The following LHFPL3 variants were observed in gnomAD, a reference collection of about 807,000 sequenced individuals.
The protein encoded by LHFPL3 is LHFPL tetraspan subfamily member 3.
LHFPL3 carries 5 observed loss-of-function variants against 19.3 expected under a neutral mutation model. That is an observed-to-expected ratio of 0.26 (90% CI 0.14 to 0.54). LHFPL3 has a LOEUF of 0.54. Ranked by LOEUF, LHFPL3 falls within the 20% of genes least tolerant of loss-of-function variation. LHFPL3 has a pLI of 0.94. For synonymous variants in LHFPL3, 133 were observed against 126.2 expected (o/e 1.05, Z -0.36); for missense variants, 249 against 307.4 (o/e 0.81, Z 1.42).
chr7:104,732,354 T>C (rs1012980212), intron 1 of LHFPL3, among the ~76,000 whole-genome samples: 3 of 152,230 alleles, frequency 2.0e-5, no homozygotes, highest in Non-Finnish European at 4.4e-5. Context: ...CATCTGATCC[T>C]GGACTTTTTT....
intron 1 of LHFPL3, among the ~76,000 whole-genome samples, chr7:104,468,014 G>C (rs1792826743): frequency 6.6e-6 from 1 of 152,176 alleles, no homozygotes; most frequent in Non-Finnish European, 1.5e-5. Flanking sequence ...TCTGTTCAGT[G>C]TACCCTAGAT....
At chr7:104,868,983 C>T (rs1336097153) in intron 2 of LHFPL3, among the ~76,000 whole-genome samples, 1 of 152,122 alleles carries the variant, frequency 6.6e-6, no homozygotes, top group African/African-American at 2.4e-5. Context: ...GGAAACAATT[C>T]CCTATTTAAT....
chr7:104,556,807 C>T (rs1309811831), intron 1 of LHFPL3, among the ~76,000 whole-genome samples: 4 of 152,146 alleles, frequency 2.6e-5, no homozygotes, highest in Admixed American at 6.5e-5. Flanking sequence ...CTTTTAAAAC[C>T]GAATGCCTTT....
chr7:104,659,800 T>C (rs1187222102), intron 1 of LHFPL3, among the ~76,000 whole-genome samples: 1 of 152,186 alleles, frequency 6.6e-6, no homozygotes, highest in Admixed American at 6.5e-5. Flanking sequence ...TAGAAGGTTG[T>C]CTTGCTTTAA....
At chr7:104,433,454 A>G (rs915549538) in intron 1 of LHFPL3, among the ~76,000 whole-genome samples, 7 of 152,116 alleles carry the variant, frequency 4.6e-5, no homozygotes, top group African/African-American at 1.7e-4. Flanking sequence ...AGCTAAAATC[A>G]CTGTAATGCC....
Position 104,778,031 on chromosome 7 carries a change from A to G in LHFPL3, c.682+41120A>G, listed in dbSNP as rs562797306. ...AGTGCTCACCTAAGCTCCTTCCATG[A>G]CAATCTGGGCTCAGCATCCTGGAAC... On this transcript the variant is annotated intron_variant, in intron 2 of 2. Transcript: ENST00000424859. 3.3e-5 allele frequency among the ~76,000 whole-genome samples: 5 copies of G among 152,318 alleles called. 1 individual carries two copies. The highest frequency in any genetic ancestry group is 1.2e-4 in the African/African-American group (5 of 41,576).
At chr7:104,671,181 G>A (rs1792473340) in intron 1 of LHFPL3, among the ~76,000 whole-genome samples, 1 of 151,824 alleles carries the variant, frequency 6.6e-6, no homozygotes, top group Non-Finnish European at 1.5e-5. Flanking sequence ...TTAAATAATT[G>A]GTGTGGATTG....
At chr7:104,373,934 A>G (rs1265872981) in intron 1 of LHFPL3, among the ~76,000 whole-genome samples, 1 of 152,138 alleles carries the variant, frequency 6.6e-6, no homozygotes, top group African/African-American at 2.4e-5. Flanking sequence ...ACAAAAAAAC[A>G]TGTTTTGGGG....
chr7:104,452,987 A>T (rs1467054723), intron 1 of LHFPL3, among the ~76,000 whole-genome samples: 2 of 152,192 alleles, frequency 1.3e-5, no homozygotes, highest in African/African-American at 4.8e-5. Flanking sequence ...TGTAAAAGTC[A>T]CACAAATCAA....
At chr7:104,635,462 T>A (rs1049397209) in intron 1 of LHFPL3, among the ~76,000 whole-genome samples, 6 of 152,038 alleles carry the variant, frequency 3.9e-5, no homozygotes, top group South Asian at 2.1e-4. Context: ...AAAGAAAAAA[T>A]TTTTTTAAAA....
intron 1 of LHFPL3, among the ~76,000 whole-genome samples, chr7:104,684,562 A>G (rs1049267801): frequency 6.6e-6 from 1 of 152,240 alleles, no homozygotes; most frequent in Non-Finnish European, 1.5e-5. Context: ...ATTTCTTGTC[A>G]ACCATTTATA....
At chr7:104,664,130 G>A (rs950777418) in intron 1 of LHFPL3, among the ~76,000 whole-genome samples, 2 of 152,094 alleles carry the variant, frequency 1.3e-5, no homozygotes, top group African/African-American at 4.8e-5. Context: ...ACTAGAGCTA[G>A]AAATAATTTC....
At chr7:104,411,664 T>G (rs774819668) in intron 1 of LHFPL3, among the ~76,000 whole-genome samples, 2 of 152,170 alleles carry the variant, frequency 1.3e-5, no homozygotes, top group African/African-American at 2.4e-5. Context: ...GTTTGTAGGT[T>G]TATTCTAATT....
intron 1 of LHFPL3, among the ~76,000 whole-genome samples, chr7:104,464,601 G>A (rs1346423685): frequency 1.3e-5 from 2 of 152,242 alleles, no homozygotes; most frequent in African/African-American, 4.8e-5. Flanking sequence ...CTGCACACCT[G>A]CAGGACTAAT....
At chr7:104,612,749 G>A (rs1427517324) in intron 1 of LHFPL3, among the ~76,000 whole-genome samples, 1 of 152,160 alleles carries the variant, frequency 6.6e-6, no homozygotes, top group Non-Finnish European at 1.5e-5. Context: ...ATGCTGTGAA[G>A]GACGATGACA....
At chr7:104,443,254 A>G (rs36109662) in intron 1 of LHFPL3, among the ~76,000 whole-genome samples, 18,323 of 152,234 alleles carry the variant, frequency 0.12, 1,252 homozygotes, top group African/African-American at 0.19. Flanking sequence ...ATGCAATATC[A>G]GCATCCCTCA....
At chr7:104,430,428 A>ACACG (rs1791963781) in intron 1 of LHFPL3, among the ~76,000 whole-genome samples, 1 of 11,462 alleles carries the variant, frequency 8.7e-5, no homozygotes, top group African/African-American at 2.5e-4. Context: ...ACATATATAT[A>ACACG]TATATATATA....
At chr7:104,901,607 A>G (rs191613651) in intron 2 of LHFPL3, among the ~76,000 whole-genome samples, 224 of 152,070 alleles carry the variant, frequency 1.5e-3, no homozygotes, top group Middle Eastern at 0.014. Flanking sequence ...TTGCTCTGTC[A>G]TCCAGTCTGG....
At chr7:104,494,126 G>T (rs1391588703) in intron 1 of LHFPL3, among the ~76,000 whole-genome samples, 1 of 152,134 alleles carries the variant, frequency 6.6e-6, no homozygotes, top group African/African-American at 2.4e-5. Context: ...AGTAAGGCTT[G>T]TCTTATTTTT....
Sources: gnomAD v4.1 joint callset for allele counts (sites outside exome capture counted in the v4.1 genomes callset) on GRCh38, gnomAD v4.1.1 for gene constraint, MANE v1.5 for transcripts, NCBI Gene and HGNC (gene_info 2026-07-23, HGNC 2026-07-21) for gene names.